The following PDHX variants were observed in gnomAD, a reference collection of about 807,000 sequenced individuals.
The protein encoded by PDHX is pyruvate dehydrogenase complex component X.
PDHX carries 33 observed loss-of-function variants against 55.3 expected under a neutral mutation model. That is an observed-to-expected ratio of 0.60 (90% CI 0.45 to 0.80). The LOEUF is 0.80. Ranked by LOEUF, PDHX falls within the 30% of genes least tolerant of loss-of-function variation. The pLI is 0.00. For synonymous variants in PDHX, 226 were observed against 219.4 expected (o/e 1.03, Z -0.27); for missense variants, 622 against 619.9 (o/e 1.00, Z -0.04).
intron 2 of PDHX, among the ~76,000 whole-genome samples, chr11:34,944,263 G>T (rs1854569210): frequency 6.6e-6 from 1 of 152,070 alleles, no homozygotes; most frequent in Non-Finnish European, 1.5e-5. Flanking sequence ...GGGACCACAG[G>T]TGCCTGCCAC....
chr11:34,928,669 G>T (rs1012944448), intron 1 of PDHX, among the ~76,000 whole-genome samples: 1 of 152,162 alleles, frequency 6.6e-6, no homozygotes, highest in Admixed American at 6.5e-5. Flanking sequence ...AATGCATTCA[G>T]TGTGTTAAGC....
intron 3 of PDHX, among the ~76,000 whole-genome samples, chr11:34,953,349 T>G (rs919620304): frequency 6.6e-6 from 1 of 152,212 alleles, no homozygotes. Context: ...TACTTTAAAG[T>G]TCATATGGAA....
intron 5 of PDHX, among the ~76,000 whole-genome samples, chr11:34,966,104 T>C (rs1453152548): frequency 6.6e-6 from 1 of 152,172 alleles, no homozygotes; most frequent in East Asian, 1.9e-4. Flanking sequence ...TTATATTAGA[T>C]TGTACTGATG....
rs117341628 is a variant in PDHX at position 34,977,805 on chromosome 11, A to T, written c.965-319A>T. On this transcript the variant is annotated intron_variant, in intron 7 of 10. Coordinates refer to ENST00000227868, the MANE Select transcript of PDHX (RefSeq NM_003477.3). ...AGAGATCATTTGTCTTTTTCGAGAC[A>T]TAGGAGTTAGTTCTTTTTTTCTGAT... 7.5e-3 allele frequency: 3,521 copies of T among 470,404 alleles called. 39 individuals carry two copies. The highest frequency in any genetic ancestry group is 0.024 in the Middle Eastern group (75 of 3,144). 29.1% of individuals were successfully genotyped at this position (470,404 alleles called of 1,614,324 possible).
rs114260690 is a variant in PDHX, at chr11:34,933,426, A to G, written c.241+1942A>G. Among the ~76,000 whole-genome samples, 1,165 of 152,292 alleles carry G rather than the reference A, an allele frequency of 7.6e-3. 11 individuals carry two copies. Among genetic ancestry groups the G allele is most frequent in the African/African-American group, 0.027 (1,112 of 41,558 alleles). ...ATCGTATTATGCTTGTTATGTTGGT[A>G]TTGTTATTCTAAGGCTTTTGTGTGT... On this transcript the variant is annotated intron_variant, in intron 2 of 10. Coordinates refer to ENST00000227868, the MANE Select transcript of PDHX (RefSeq NM_003477.3).
At chr11:34,961,755 A>G (rs1270776132) in intron 5 of PDHX, among the ~76,000 whole-genome samples, 2 of 152,232 alleles carry the variant, frequency 1.3e-5, no homozygotes, top group Non-Finnish European at 2.9e-5. Flanking sequence ...ATGTGGTTCT[A>G]TCACACACAT....
At chr11:34,935,343 C>T (rs1854283804) in intron 2 of PDHX, among the ~76,000 whole-genome samples, 1 of 151,974 alleles carries the variant, frequency 6.6e-6, no homozygotes, top group Admixed American at 6.6e-5. Flanking sequence ...ACCATTTTGC[C>T]AGATTTTAAG....
intron 9 of PDHX, among the ~76,000 whole-genome samples, chr11:34,986,317 A>AC (rs1279771425): frequency 8.9e-6 from 1 of 112,600 alleles, no homozygotes; most frequent in Admixed American, 9.4e-5. Context: ...CAAAAAAAAA[A>AC]AAAAAAAAAG....
In PDHX at chr11:34,966,706, C is replaced by T; in HGVS notation, c.708C>T (p.Ala236=). 1 of 1,614,148 alleles carries T rather than the reference C, an allele frequency of 6.2e-7. No individual in the cohort carries two copies. ...TTACCGAGTCCAGACCAACTCCAGC[C>T]CCCACAGCCACTCCCACAGCACCTT... The part of the protein sequence containing the change: ...GKITESRPTP[A]PTATPTAPSP... The change falls in exon 6 of 11, where the codon GCC becomes GCT. Residue 236 remains alanine (A), a synonymous_variant. Transcript: ENST00000227868.
intron 2 of PDHX, among the ~76,000 whole-genome samples, chr11:34,945,389 G>A (rs1247698922): frequency 2.6e-5 from 4 of 152,098 alleles, no homozygotes; most frequent in South Asian, 2.1e-4. Context: ...TTGATGAACT[G>A]CATCTTGTAA....
intron 2 of PDHX, among the ~76,000 whole-genome samples, chr11:34,939,468 GGTGTGT>G (rs68165754): frequency 0.028 from 4,233 of 148,974 alleles, 117 homozygotes; most frequent in African/African-American, 0.076. Flanking sequence ...TTTTACTAAT[GGTGTGT>G]GTGTGTGTGT....
chr11:34,973,966 G>GA (rs1353733416), intron 7 of PDHX, among the ~76,000 whole-genome samples: 1 of 151,984 alleles, frequency 6.6e-6, no homozygotes, highest in Non-Finnish European at 1.5e-5. Flanking sequence ...GTTTTTGTCT[G>GA]AAAAAGTCTA....
At chr11:34,916,854 G>A (rs896648820) in intron 1 of PDHX, 39 bp downstream of exon 1, 1 of 1,530,060 alleles carries the variant, frequency 6.5e-7, no homozygotes, top group African/African-American at 1.4e-5. Flanking sequence ...CTGTGTAGCT[G>A]AGTGATGGGC....
At chr11:34,964,086 C>G (rs1855078604) in intron 5 of PDHX, among the ~76,000 whole-genome samples, 1 of 152,220 alleles carries the variant, frequency 6.6e-6, no homozygotes, top group South Asian at 2.1e-4. Flanking sequence ...AGAGCATCCT[C>G]TGCCTATCTG....
chr11:34,934,571 A>ATTTTTTTTT (rs35227178), intron 2 of PDHX, among the ~76,000 whole-genome samples: 9 of 92,418 alleles, frequency 9.7e-5, no homozygotes, highest in Non-Finnish European at 1.2e-4. Flanking sequence ...GATATTATGG[A>ATTTTTTTTT]TTTTTTTTTT....
chr11:34,916,931 C>G, intron 1 of PDHX, 116 bp downstream of exon 1: 1 of 1,024,922 alleles, frequency 9.8e-7, no homozygotes, highest in Non-Finnish European at 1.5e-6. Context: ...CTCCTTATTC[C>G]CTTTCCTCTT....
intron 7 of PDHX, among the ~76,000 whole-genome samples, chr11:34,973,274 A>G (rs912960296): frequency 6.6e-6 from 1 of 152,126 alleles, no homozygotes; most frequent in Non-Finnish European, 1.5e-5. Context: ...TTTCTATAGT[A>G]TATCTTTTTG....
intron 8 of PDHX, among the ~76,000 whole-genome samples, chr11:34,980,213 A>G (rs943211589): frequency 2.6e-4 from 40 of 151,338 alleles, no homozygotes; most frequent in African/African-American, 8.9e-4. Context: ...CCTCTATCTC[A>G]CTTCTATTGC....
At chr11:34,946,682 G>T (rs1300892521) in intron 2 of PDHX, among the ~76,000 whole-genome samples, 1 of 152,130 alleles carries the variant, frequency 6.6e-6, no homozygotes, top group African/African-American at 2.4e-5. Context: ...CTAGACCCAT[G>T]GTTGCTGATT....
Sources: allele counts gnomAD v4.1 joint callset (sites outside exome capture counted in the v4.1 genomes callset), GRCh38; gene constraint gnomAD v4.1.1; transcripts MANE v1.5; gene names NCBI Gene and HGNC (gene_info 2026-07-23, HGNC 2026-07-21).